Variants in PHF3 observed in about 807,000 individuals in gnomAD.
The protein encoded by PHF3 is PHD finger protein 3.
A neutral mutation model predicts 178.4 loss-of-function variants in PHF3; 41 were observed. The ratio of observed to expected loss-of-function variants is 0.23; its 90% CI spans 0.18 to 0.30. PHF3 has a LOEUF of 0.30. PHF3 is among the 10% of genes least tolerant of loss of function. The pLI, the probability that PHF3 is intolerant of heterozygous loss-of-function variation, is 1.00. For synonymous variants in PHF3, 842 were observed against 800.5 expected, an observed-to-expected ratio of 1.05 and a Z score of -0.88; for missense variants, 2,346 against 2,398.1, an observed-to-expected ratio of 0.98 and a Z score of 0.45.
At chr6:63,643,598 CA>C (rs1409026862) in intron 1 of PHF3, among the ~76,000 whole-genome samples, 9 of 152,184 alleles carry the variant, frequency 5.9e-5, no homozygotes, top group African/African-American at 2.2e-4. Context: ...ACATGTCTCA[CA>C]CAATGGTAGC....
chr6:63,660,996 CAG>C (rs1334372922), intron 2 of PHF3, among the ~76,000 whole-genome samples: 1 of 152,100 alleles, frequency 6.6e-6, no homozygotes, highest in African/African-American at 2.4e-5. Flanking sequence ...CCATGGGTGA[CAG>C]AGTTCTTTGT....
Position 63,712,472 on chromosome 6 carries a change from T to G in PHF3, c.4884T>G (p.Asn1628Lys). The change falls in exon 16 of 16, where the codon AAT (asparagine) becomes AAG (lysine). Residue 1628 changes from asparagine (N) to lysine (K), a missense_variant. Asn to Lys is a moderately conservative substitution (Grantham distance 94). This residue lies in a region of PHF3 where 839 missense variants were observed against 806.9 expected (regional missense o/e 1.04). Coordinates refer to ENST00000262043, the MANE Select transcript of PHF3 (RefSeq NM_001370348.2). Reference protein sequence around the residue: ...SNVGKGNIDGNVSCSENLVAN... With the variant: ...SNVGKGNIDGKVSCSENLVAN... ...TAGGAAAAGGAAACATAGATGGTAA[T>G]GTGAGCTGTAGTGAAAACCTTGTTG... 6.2e-7 allele frequency: 1 copy of G among 1,613,998 alleles called. No individual in the cohort carries two copies. Among genetic ancestry groups the G allele is most frequent in the Non-Finnish European group, 8.5e-7 (1 of 1,179,948 alleles).
In PHF3 at chr6:63,684,824, G is replaced by T. The variant is rs1159083914; in HGVS notation, c.1102G>T (p.Asp368Tyr). The T allele has an allele frequency of 6.2e-7, 1 of 1,613,954 alleles. No individual in the cohort carries two copies. The highest frequency in any genetic ancestry group is 1.1e-5 in the South Asian group (1 of 91,074). Residue 368 changes from aspartate (D) to tyrosine (Y), a missense_variant, in exon 4 of 16, where the codon GAT becomes TAT. Around this residue, in one of 8 missense-constraint regions of PHF3, gnomAD observed 843 missense variants for 795.2 expected, o/e 1.06. Coordinates refer to ENST00000262043, the MANE Select transcript of PHF3 (RefSeq NM_001370348.2). Reference protein sequence around the residue: ...NSLVGLPSCVDEVTECNLELK... With the variant: ...NSLVGLPSCVYEVTECNLELK... ...CCTTGTAGGTTTGCCTAGTTGTGTA[G>T]ATGAAGTGACTGAATGTAATTTGGA...
At chr6:63,682,171 A>G (rs1159269218) in intron 3 of PHF3, among the ~76,000 whole-genome samples, 1 of 152,108 alleles carries the variant, frequency 6.6e-6, no homozygotes, top group Non-Finnish European at 1.5e-5. Context: ...GCTCAGGACT[A>G]GGGAAGGGCA....
At chr6:63,643,278 C>A (rs1764653444) in intron 1 of PHF3, among the ~76,000 whole-genome samples, 1 of 152,038 alleles carries the variant, frequency 6.6e-6, no homozygotes, top group Non-Finnish European at 1.5e-5. Flanking sequence ...TGAGACTGAT[C>A]ACTTTGTATC....
chr6:63,687,445 A>C (rs115809624), intron 4 of PHF3, among the ~76,000 whole-genome samples: 2 of 152,182 alleles, frequency 1.3e-5, no homozygotes, highest in Admixed American at 6.5e-5. Context: ...ACATTACTCA[A>C]ATATTCTGAA....
rs1274947275 is a variant in PHF3, at chr6:63,718,217, A to G, written c.*4509A>G. Among the ~76,000 whole-genome samples, 4 of 152,170 alleles carry G rather than the reference A, an allele frequency of 2.6e-5. No homozygotes were observed. The highest frequency in any genetic ancestry group is 1.9e-4 in the East Asian group (1 of 5,180). On this transcript the variant is annotated 3_prime_UTR_variant, in exon 16 of 16. Transcript: ENST00000262043. ...CACAATTTTCTGCGTTTGGAATTCA[A>G]TGATGAGCAAAATGGGAAAGTTCCA...
chr6:63,664,850 A>G (rs919728601), intron 2 of PHF3, among the ~76,000 whole-genome samples: 1 of 151,970 alleles, frequency 6.6e-6, no homozygotes. Flanking sequence ...TATTGTAGTT[A>G]TTGTACAATA....
At chr6:63,671,813 C>T (rs112982052) in intron 2 of PHF3, among the ~76,000 whole-genome samples, 1 of 152,170 alleles carries the variant, frequency 6.6e-6, no homozygotes. Flanking sequence ...GTGGTGCGAT[C>T]TCGGCTCACT....
intron 2 of PHF3, among the ~76,000 whole-genome samples, chr6:63,676,437 T>A (rs1380875583): frequency 6.6e-6 from 1 of 152,214 alleles, no homozygotes; most frequent in Admixed American, 6.5e-5. Context: ...GGAAGGTTTC[T>A]CTGAGAAGGT....
At chr6:63,650,828 A>C (rs569185125) in intron 2 of PHF3, among the ~76,000 whole-genome samples, 1 of 152,194 alleles carries the variant, frequency 6.6e-6, no homozygotes, top group Non-Finnish European at 1.5e-5. Context: ...CAGCATTTCA[A>C]TCAGACAGTA....
rs1339637195 is a variant in PHF3 at position 63,722,645 on chromosome 6, C to T, written c.*8937C>T. Reference sequence around the variant, plus strand: ...ATAATGAACCACGCAGAAGTCTCCACGAAACATTTTCTTCTCCCTCTGAAA... The same window carrying T: ...ATAATGAACCACGCAGAAGTCTCCATGAAACATTTTCTTCTCCCTCTGAAA... On this transcript the variant is annotated 3_prime_UTR_variant, in exon 16 of 16. Coordinates refer to ENST00000262043, the MANE Select transcript of PHF3 (RefSeq NM_001370348.2). Among the ~76,000 whole-genome samples, 2 of 152,132 alleles carry T rather than the reference C, an allele frequency of 1.3e-5. No individual in the cohort carries two copies. Among genetic ancestry groups the T allele is most frequent in the African/African-American group, 4.8e-5 (2 of 41,420 alleles).
chr6:63,718,647 T>C lies in PHF3; in HGVS notation c.*4939T>C, dbSNP rs1343971253. On this transcript the variant is annotated 3_prime_UTR_variant, in exon 16 of 16. Coordinates refer to ENST00000262043, the MANE Select transcript of PHF3 (RefSeq NM_001370348.2). ...AATATATGAAGAAAATCTGGCTATATGTGCATTTGTTTTTGGGAAAGGGAG... is the reference window on the plus strand; with the variant it reads ...AATATATGAAGAAAATCTGGCTATACGTGCATTTGTTTTTGGGAAAGGGAG... Among the ~76,000 whole-genome samples the C allele has an allele frequency of 6.6e-6, 1 of 152,002 alleles. No homozygotes were observed. Among genetic ancestry groups the C allele is most frequent in the Non-Finnish European group, 1.5e-5 (1 of 67,946 alleles).
rs1451039139 is a variant in PHF3 at position 63,722,290 on chromosome 6, G to A, written c.*8582G>A. Reference sequence around the variant, plus strand: ...TTCGCCTGTTTTCTAGGAACACTCCGCCACCCCATTCCACCTCAACTAGAT... The same window carrying A: ...TTCGCCTGTTTTCTAGGAACACTCCACCACCCCATTCCACCTCAACTAGAT... On this transcript the variant is annotated 3_prime_UTR_variant, in exon 16 of 16. Transcript: ENST00000262043. Among the ~76,000 whole-genome samples, 1 of 151,900 alleles carries A rather than the reference G, an allele frequency of 6.6e-6. No individual in the cohort carries two copies. The highest frequency in any genetic ancestry group is 1.5e-5 in the Non-Finnish European group (1 of 67,980).
At position 63,721,443 on chromosome 6, in the gene PHF3, A is replaced by G; in HGVS notation, c.*7735A>G. On this transcript the variant is annotated 3_prime_UTR_variant, in exon 16 of 16. Transcript: ENST00000262043. ...TACATTTGAGCCACCTTTTGCTCCA[A>G]ATTCAGTTAATTGTAATTCTTGATT... 1.9e-6 allele frequency: 3 copies of G among 1,551,634 alleles called. No individual in the cohort carries two copies. The highest frequency in any genetic ancestry group is 2.6e-6 in the Non-Finnish European group (3 of 1,146,914).
chr6:63,644,815 C>T (rs1456665904), intron 1 of PHF3, among the ~76,000 whole-genome samples: 1 of 151,832 alleles, frequency 6.6e-6, no homozygotes, highest in African/African-American at 2.4e-5. Context: ...CGTCATCTCT[C>T]AGGTATGCAC....
At chr6:63,704,927 T>G (rs1767626931) in intron 11 of PHF3, among the ~76,000 whole-genome samples, 1 of 152,218 alleles carries the variant, frequency 6.6e-6, no homozygotes, top group South Asian at 2.1e-4. Context: ...TCTACATCTT[T>G]GCTAGCATTT....
intron 2 of PHF3, among the ~76,000 whole-genome samples, chr6:63,673,664 C>A (rs1485886354): frequency 6.6e-6 from 1 of 152,104 alleles, no homozygotes; most frequent in Non-Finnish European, 1.5e-5. Context: ...CTGAGGGTTC[C>A]TTGAAAAATC....
chr6:63,671,947 A>G (rs1233828822), intron 2 of PHF3, among the ~76,000 whole-genome samples: 11 of 152,176 alleles, frequency 7.2e-5, no homozygotes, highest in African/African-American at 4.8e-5. Context: ...GGGTTTCACC[A>G]TGTTGGCCAG....
Sources: gnomAD v4.1 joint callset for allele counts (sites outside exome capture counted in the v4.1 genomes callset) on GRCh38, gnomAD v4.1.1 for gene constraint, gnomAD v4.1.1 regional missense constraint, MANE v1.5 for transcripts, NCBI Gene and HGNC (gene_info 2026-07-23, HGNC 2026-07-21) for gene names.